CA5A: variants seen among roughly 807,000 people sequenced by gnomAD.
CA5A encodes carbonic anhydrase 5A, mitochondrial.
CA5A carries 28 observed loss-of-function variants against 37.1 expected under a neutral mutation model. That is an observed-to-expected ratio of 0.75 (90% CI 0.56 to 1.03). The LOEUF (loss-of-function observed/expected upper bound fraction) is 1.03, where lower values mean the gene tolerates loss of function less well. Ranked by LOEUF, CA5A falls within the 50% of genes least tolerant of loss-of-function variation. The pLI, the probability that CA5A is intolerant of heterozygous loss-of-function variation, is 0.00. For missense variants in CA5A, 444 were observed against 399.9 expected (o/e 1.11, Z -0.94); for synonymous variants, 171 against 158.4 (o/e 1.08, Z -0.60).
chr16:87,913,658 C>T (rs1304521418), intron 2 of CA5A, among the ~76,000 whole-genome samples: 1 of 137,324 alleles, frequency 7.3e-6, no homozygotes, highest in African/African-American at 3.2e-5. Flanking sequence ...CCGTGGCCCC[C>T]CCCTCCTCTC....
Position 87,911,259 on chromosome 16 carries a change from G to C in CA5A, c.341-6355C>G, listed in dbSNP as rs11865341. Reference sequence around the variant, plus strand: ...CTGTGTAAGCAGGTGCGTCAGAACCGGCTCATGGAGATATAATTGAACGAT... The same window carrying C: ...CTGTGTAAGCAGGTGCGTCAGAACCCGCTCATGGAGATATAATTGAACGAT... On this transcript the variant is annotated intron_variant, in intron 2 of 6. Transcript: ENST00000649794. This position sits in a 1 kb window ranked among gnomAD's most constrained non-coding sequence, Gnocchi z 4.6. Among the ~76,000 whole-genome samples, 33 of 152,106 alleles carry C rather than the reference G, an allele frequency of 2.2e-4. No individual in the cohort carries two copies. The highest frequency in any genetic ancestry group is 8.0e-4 in the African/African-American group (33 of 41,412).
chr16:87,902,913 CAA>C (rs111457269), intron 3 of CA5A, among the ~76,000 whole-genome samples: 49 of 113,616 alleles, frequency 4.3e-4, no homozygotes, highest in Middle Eastern at 4.9e-3. Context: ...CTCCATCTCA[CAA>C]AAAAAAAAAA....
chr16:87,889,815 T>C (rs2055687979), intron 6 of CA5A, among the ~76,000 whole-genome samples: 1 of 152,250 alleles, frequency 6.6e-6, no homozygotes, highest in African/African-American at 2.4e-5. Flanking sequence ...ACTTTTTATG[T>C]ATTATCTCAC....
intron 2 of CA5A, among the ~76,000 whole-genome samples, chr16:87,908,015 A>G (rs1481404417): frequency 6.6e-6 from 1 of 152,228 alleles, no homozygotes; most frequent in Non-Finnish European, 1.5e-5. Context: ...GGGGTCATCG[A>G]AGGCACACAA....
chr16:87,922,832 G>A (rs2056249257), intron 2 of CA5A, among the ~76,000 whole-genome samples: 1 of 152,260 alleles, frequency 6.6e-6, no homozygotes, highest in African/African-American at 2.4e-5. Flanking sequence ...AACGGTGCCT[G>A]CTCCCCAGAT....
At chr16:87,932,782 C>T (rs529346742) in intron 1 of CA5A, among the ~76,000 whole-genome samples, 1 of 152,196 alleles carries the variant, frequency 6.6e-6, no homozygotes, top group African/African-American at 2.4e-5. Flanking sequence ...CCGATGCATT[C>T]TCAGTCTCCA....
At chr16:87,881,814 G>C (rs2055609808) in exon 5 of CA5A, 1 of 152,240 alleles carries the variant, frequency 6.6e-6, no homozygotes, top group South Asian at 2.1e-4. Flanking sequence ...TTTCATCTCA[G>C]TGTGTCCAGG....
At chr16:87,934,455 C>G (rs1567541808) in intron 1 of CA5A, among the ~76,000 whole-genome samples, 2 of 152,238 alleles carry the variant, frequency 1.3e-5, no homozygotes, top group African/African-American at 2.4e-5. Flanking sequence ...GTAATTCCAG[C>G]TACTCGGGAG....
chr16:87,921,673 T>C (rs1399427673), intron 2 of CA5A, among the ~76,000 whole-genome samples: 5 of 152,112 alleles, frequency 3.3e-5, no homozygotes, highest in South Asian at 2.1e-4. Context: ...AAAACAGGAA[T>C]GTTGGACCCA....
At chr16:87,898,991 T>A (rs544537529) in intron 5 of CA5A, among the ~76,000 whole-genome samples, 8 of 152,186 alleles carry the variant, frequency 5.3e-5, no homozygotes, top group Admixed American at 1.3e-4. Context: ...CACCTCAGTC[T>A]CCCTAAGTGC....
intron 2 of CA5A, among the ~76,000 whole-genome samples, chr16:87,922,190 A>T (rs2056239876): frequency 6.6e-6 from 1 of 152,088 alleles, no homozygotes; most frequent in African/African-American, 2.4e-5. Context: ...GTGTGTGAGA[A>T]CTGTTTGTCA....
intron 2 of CA5A, among the ~76,000 whole-genome samples, chr16:87,913,088 A>G (rs1444296518): frequency 1.3e-5 from 2 of 151,720 alleles, no homozygotes; most frequent in Admixed American, 6.6e-5. Context: ...GGTTCAAGCA[A>G]TTCTGCCTCA....
At chr16:87,901,822 C>T (rs894829795) in intron 5 of CA5A, 90 bp downstream of exon 5, 14 of 1,058,684 alleles carry the variant, frequency 1.3e-5, no homozygotes, top group Admixed American at 5.4e-5. Flanking sequence ...CCCAACCTCA[C>T]GTGATCCACC....
intron 2 of CA5A, among the ~76,000 whole-genome samples, chr16:87,909,883 C>T (rs1484489606): frequency 6.6e-6 from 1 of 152,130 alleles, no homozygotes; most frequent in African/African-American, 2.4e-5. Context: ...GGTCTGGAGT[C>T]GGACGCACGT....
In CA5A at chr16:87,926,830, G is replaced by A. The variant is rs145171357; in HGVS notation, c.258C>T (p.Ser86=). The A allele has an allele frequency of 1.9e-4, 302 of 1,614,022 alleles. No homozygotes were observed. The highest frequency in any genetic ancestry group is 3.3e-4 in the Middle Eastern group (2 of 6,084). Residue 86 remains serine, a synonymous_variant, in exon 2 of 7, where the codon TCC becomes TCT. Transcript: ENST00000649794. ...YDPQLKPLRV[S]YEAASCLYIW... Reference sequence around the variant, plus strand: ...TGTACAGGCAGGATGCCGCTTCATAGGAGACCCTGAGTGGCTTCAGCTGGG... The same window carrying A: ...TGTACAGGCAGGATGCCGCTTCATAAGAGACCCTGAGTGGCTTCAGCTGGG...
rs1439040052 is a variant in CA5A, at chr16:87,936,511, C to T, written c.-61G>A. Reference sequence around the variant, plus strand: ...GGTGATGTTCCCTGCTGTCTGTTCTCACTTTGATCAGGACCACTGTGGACT... The same window carrying T: ...GGTGATGTTCCCTGCTGTCTGTTCTTACTTTGATCAGGACCACTGTGGACT... On this transcript the variant is annotated 5_prime_UTR_variant, in exon 1 of 7. Transcript: ENST00000649794. 6.2e-6 allele frequency: 10 copies of T among 1,601,434 alleles called. No homozygotes were observed. The highest frequency in any genetic ancestry group is 8.5e-6 in the Non-Finnish European group (10 of 1,173,956).
At chr16:87,923,252 G>A (rs1438353694) in intron 2 of CA5A, among the ~76,000 whole-genome samples, 1 of 152,048 alleles carries the variant, frequency 6.6e-6, no homozygotes, top group Non-Finnish European at 1.5e-5. Flanking sequence ...GCAGTGGCTC[G>A]ATCTCTGCTC....
At chr16:87,928,746 ATTTTC>A (rs1214897022) in intron 1 of CA5A, among the ~76,000 whole-genome samples, 1 of 54,920 alleles carries the variant, frequency 1.8e-5, no homozygotes, top group Non-Finnish European at 4.0e-5. Flanking sequence ...CATCTGGATT[ATTTTC>A]TTTTCTTTGT....
At chr16:87,907,619 C>T (rs1379099326) in intron 2 of CA5A, among the ~76,000 whole-genome samples, 5 of 152,144 alleles carry the variant, frequency 3.3e-5, no homozygotes, top group Non-Finnish European at 7.4e-5. Flanking sequence ...TCCAGTTGCA[C>T]TCTTAGAGCA....
Sources: allele counts gnomAD v4.1 joint callset (sites outside exome capture counted in the v4.1 genomes callset), GRCh38; gene constraint gnomAD v4.1.1; non-coding constraint Gnocchi (gnomAD v3.1); transcripts MANE v1.5; gene names NCBI Gene and HGNC (gene_info 2026-07-23, HGNC 2026-07-21).